ZC3H12B: variants seen among roughly 807,000 people sequenced by gnomAD.
ZC3H12B encodes probable ribonuclease ZC3H12B.
Under a neutral mutation model 43.9 loss-of-function variants are expected in ZC3H12B, and 7 were observed. The observed-to-expected ratio is 0.16, with a 90% confidence interval of 0.09 to 0.30. ZC3H12B has a LOEUF of 0.30. ZC3H12B is among the 10% of genes least tolerant of loss of function. The probability of loss-of-function intolerance (pLI) is 1.00; values close to 1 mark genes in which losing one functional copy is unlikely to be tolerated. For missense variants in ZC3H12B, 475 were observed against 670.2 expected (o/e 0.71, Z 3.22); for synonymous variants, 222 against 241.7 (o/e 0.92, Z 0.76).
exon 1 of ZC3H12B, chrX:65,489,162 G>A: frequency 8.3e-7 from 1 of 1,211,959 alleles, no homozygotes; most frequent in Non-Finnish European, 1.1e-6. Flanking sequence ...GCTGGGCTAT[G>A]CAGAGGAACA....
At chrX:65,315,845 A>G in the ZC3H12B span, among the ~76,000 whole-genome samples, 1 of 111,682 alleles carries the variant, frequency 9.0e-6, no homozygotes, top group Non-Finnish European at 1.9e-5. Context: ...CAGAAATGGA[A>G]TTCTGAATAT....
At chrX:65,255,659 A>G in the ZC3H12B span, among the ~76,000 whole-genome samples, 1 of 112,263 alleles carries the variant, frequency 8.9e-6, no homozygotes, top group Non-Finnish European at 1.9e-5. Flanking sequence ...AACTAGCAAC[A>G]TGATAGAATC....
chrX:65,136,513 G>T, the ZC3H12B span, among the ~76,000 whole-genome samples: 1 of 111,196 alleles, frequency 9.0e-6, no homozygotes, highest in East Asian at 2.8e-4. Flanking sequence ...TGCTTGCATG[G>T]TTTGGGGTAA....
the ZC3H12B span, among the ~76,000 whole-genome samples, chrX:65,086,410 C>T: frequency 9.0e-6 from 1 of 110,816 alleles, no homozygotes; most frequent in Non-Finnish European, 1.9e-5. Context: ...TTATCTTGTT[C>T]AGCAATTGAC....
At chrX:65,286,868 C>T in the ZC3H12B span, among the ~76,000 whole-genome samples, 1 of 110,318 alleles carries the variant, frequency 9.1e-6, no homozygotes, top group East Asian at 2.8e-4. Flanking sequence ...AAATGGAAAC[C>T]GACAGCAAGT....
intron 2 of ZC3H12B, among the ~76,000 whole-genome samples, chrX:65,383,065 G>T (rs946465864): frequency 9.0e-5 from 10 of 111,222 alleles, no homozygotes; most frequent in Non-Finnish European, 1.9e-4. Flanking sequence ...TCCCCATCAA[G>T]CTACCAATGA....
At chrX:65,210,922 G>C in the ZC3H12B span, among the ~76,000 whole-genome samples, 1 of 49,108 alleles carries the variant, frequency 2.0e-5, no homozygotes, top group Admixed American at 2.6e-4. Context: ...ACTGTGGTGG[G>C]GTCGGGGGGA....
At chrX:65,286,530 ACCTGCACATGTAC>A in the ZC3H12B span, among the ~76,000 whole-genome samples, 1 of 110,652 alleles carries the variant, frequency 9.0e-6, no homozygotes, top group African/African-American at 3.3e-5. Flanking sequence ...CATGTAACAA[ACCTGCACATGTAC>A]CCTTTGAACC....
At chrX:65,326,108 A>C in the ZC3H12B span, among the ~76,000 whole-genome samples, 29 of 111,588 alleles carry the variant, frequency 2.6e-4, no homozygotes, top group South Asian at 3.7e-4. Context: ...AGAAGAAAGC[A>C]TAGGGGCCTG....
chrX:65,153,271 G>T, the ZC3H12B span, among the ~76,000 whole-genome samples: 1 of 111,906 alleles, frequency 8.9e-6, no homozygotes, highest in Non-Finnish European at 1.9e-5. Flanking sequence ...CATAGCAAAA[G>T]AAACTATCAT....
chrX:65,056,144 T>G, the ZC3H12B span, among the ~76,000 whole-genome samples: 5 of 112,144 alleles, frequency 4.5e-5, no homozygotes, highest in Non-Finnish European at 9.4e-5. Context: ...TTTGAACGTG[T>G]TTGCTCTTGC....
chrX:65,119,401 T>A, the ZC3H12B span, among the ~76,000 whole-genome samples: 1 of 112,308 alleles, frequency 8.9e-6, no homozygotes, highest in South Asian at 3.7e-4. Flanking sequence ...TGATGGCCAG[T>A]GATGATGAGC....
At chrX:65,464,581 T>C (rs2067793887) in intron 3 of ZC3H12B, among the ~76,000 whole-genome samples, 1 of 111,115 alleles carries the variant, frequency 9.0e-6, no homozygotes, top group Middle Eastern at 4.7e-3. Context: ...TACTTTTTAT[T>C]GATTTATTCT....
the ZC3H12B span, among the ~76,000 whole-genome samples, chrX:65,097,621 A>G: frequency 8.9e-6 from 1 of 111,960 alleles, no homozygotes; most frequent in African/African-American, 3.2e-5. Context: ...CTCTCCTCAT[A>G]TATCATAATG....
chrX:65,483,820 T>G (rs777724763), upstream of ZC3H12B, among the ~76,000 whole-genome samples: 4 of 112,261 alleles, frequency 3.6e-5, no homozygotes, highest in Non-Finnish European at 7.5e-5. Flanking sequence ...TTCTCATCCT[T>G]TAGGTCCCAC....
At chrX:65,290,422 A>C in the ZC3H12B span, among the ~76,000 whole-genome samples, 1 of 111,297 alleles carries the variant, frequency 9.0e-6, no homozygotes, top group Non-Finnish European at 1.9e-5. Flanking sequence ...TATGGAAAAC[A>C]ATGTTGAGAC....
the ZC3H12B span, among the ~76,000 whole-genome samples, chrX:65,152,228 C>G: frequency 9.0e-6 from 1 of 111,372 alleles, no homozygotes; most frequent in Non-Finnish European, 1.9e-5. Flanking sequence ...GAAGTTCTGG[C>G]CAGGGCAATT....
intron 2 of ZC3H12B, among the ~76,000 whole-genome samples, chrX:65,376,822 T>A (rs758236102): frequency 4.4e-4 from 49 of 110,831 alleles, no homozygotes; most frequent in Non-Finnish European, 8.5e-4. Context: ...ACCCAGATTG[T>A]GAAGACTACA....
chrX:65,480,620 G>C (rs1214405324), intron 3 of ZC3H12B, among the ~76,000 whole-genome samples: 2 of 111,900 alleles, frequency 1.8e-5, no homozygotes, highest in Non-Finnish European at 3.8e-5. Context: ...GCTGAGGGGG[G>C]CGGATCACCT....
Sources: gnomAD v4.1 joint callset for allele counts (sites outside exome capture counted in the v4.1 genomes callset) on GRCh38, gnomAD v4.1.1 for gene constraint, MANE v1.5 for transcripts, NCBI Gene and HGNC (gene_info 2026-07-23, HGNC 2026-07-21) for gene names.